The following ASIC2 variants were observed in gnomAD, a reference collection of about 807,000 sequenced individuals.
The protein encoded by ASIC2 is acid sensing ion channel subunit 2, also known as acid-sensing ion channel 2.
In ASIC2, 25 loss-of-function variants were observed where a neutral mutation model predicts 57.3. That is an observed-to-expected ratio of 0.44 (90% confidence interval 0.32 to 0.61). The LOEUF (loss-of-function observed/expected upper bound fraction) is 0.61, where lower values mean the gene tolerates loss of function less well. Ranked by LOEUF, ASIC2 falls within the 20% of genes least tolerant of loss-of-function variation. ASIC2 has a pLI of 0.06. For missense variants in ASIC2, 641 were observed against 738.1 expected (o/e 0.87, Z 1.52); for synonymous variants, 319 against 307.5 (o/e 1.04, Z -0.39).
chr17:33,894,014 T>C (rs1915027041), intron 1 of ASIC2, among the ~76,000 whole-genome samples: 1 of 150,228 alleles, frequency 6.7e-6, no homozygotes, highest in South Asian at 2.1e-4. Flanking sequence ...GCCCCACAGA[T>C]TCCAAAAGAA....
At chr17:33,738,699 G>A (rs2142096099) in intron 1 of ASIC2, among the ~76,000 whole-genome samples, 1 of 152,248 alleles carries the variant, frequency 6.6e-6, no homozygotes, top group South Asian at 2.1e-4. Flanking sequence ...CCTGCTCCTA[G>A]GGTGGGGACG....
rs142264487 is a variant in ASIC2 at position 33,369,679 on chromosome 17, T to TG, written c.556-257613dup. On this transcript the variant is annotated intron_variant, in intron 1 of 9. Coordinates refer to the ASIC2 transcript ENST00000359872. Reference sequence around the variant, plus strand: ...TACAGAGGAGGAAACAAAGGGGCAGTGGGACTATATAACTCCCCAAGAGCA... The same window carrying TG: ...TACAGAGGAGGAAACAAAGGGGCAGTGGGGACTATATAACTCCCCAAGAGCA... Among the ~76,000 whole-genome samples, 913 of 152,280 alleles carry TG rather than the reference T, an allele frequency of 6.0e-3. 10 individuals are homozygous for TG. The highest frequency in any genetic ancestry group is 0.021 in the African/African-American group (885 of 41,568).
rs372269285 is a variant in ASIC2, at chr17:33,271,237, T to A, written c.708+20171A>T. 4.6e-5 allele frequency among the ~76,000 whole-genome samples: 7 copies of A among 152,116 alleles called. No homozygotes were observed. The East Asian group carries it at 1.2e-3, about 25-fold the overall frequency. ...GCTCCTTTACTTCCAGACCCCTAAA[T>A]GTTGGCGAATCCAGGGCCCAGTGCT... On this transcript the variant is annotated intron_variant, in intron 1 of 9. Transcript: ENST00000225823.
chr17:33,258,939 C>G (rs1356371551), intron 1 of ASIC2, among the ~76,000 whole-genome samples: 1 of 152,168 alleles, frequency 6.6e-6, no homozygotes, highest in Non-Finnish European at 1.5e-5. Context: ...CTGCTCCAAA[C>G]TGTCTGCTGG....
intron 1 of ASIC2, among the ~76,000 whole-genome samples, chr17:33,275,261 A>G (rs1432717191): frequency 1.3e-5 from 2 of 152,170 alleles, no homozygotes; most frequent in African/African-American, 2.4e-5. Flanking sequence ...CCCAGAAGTC[A>G]TATACCACCT....
chr17:33,469,834 G>A (rs1912985389), intron 1 of ASIC2, among the ~76,000 whole-genome samples: 1 of 152,176 alleles, frequency 6.6e-6, no homozygotes, highest in Non-Finnish European at 1.5e-5. Flanking sequence ...GGGATAGAGA[G>A]TGAAGAATTT....
intron 1 of ASIC2, among the ~76,000 whole-genome samples, chr17:33,379,973 C>T (rs766033769): frequency 4.6e-5 from 7 of 152,104 alleles, no homozygotes; most frequent in Non-Finnish European, 8.8e-5. Context: ...TTGCTGGGCA[C>T]GGAGGCTCAT....
At chr17:33,747,853 C>G (rs563076818) in intron 1 of ASIC2, among the ~76,000 whole-genome samples, 1 of 152,184 alleles carries the variant, frequency 6.6e-6, no homozygotes, top group Non-Finnish European at 1.5e-5. Flanking sequence ...CTCTGACAGG[C>G]GGGCCTCACC....
intron 1 of ASIC2, among the ~76,000 whole-genome samples, chr17:33,755,332 A>G (rs1166070492): frequency 6.6e-6 from 1 of 152,138 alleles, no homozygotes; most frequent in East Asian, 1.9e-4. Context: ...CCCATTTCCA[A>G]TTTCTGACGT....
At chr17:33,228,681 G>A (rs985374899) in intron 1 of ASIC2, among the ~76,000 whole-genome samples, 7 of 152,388 alleles carry the variant, frequency 4.6e-5, no homozygotes, top group South Asian at 2.1e-4. Context: ...GCCAGGCTGC[G>A]TCACGTGTGA....
intron 3 of ASIC2, among the ~76,000 whole-genome samples, chr17:33,049,705 C>T (rs1318831728): frequency 1.3e-5 from 2 of 152,198 alleles, no homozygotes; most frequent in Non-Finnish European, 2.9e-5. Context: ...GTTTCCTCAT[C>T]TGTATAATGG....
At chr17:33,509,676 G>A (rs1455544280) in intron 1 of ASIC2, among the ~76,000 whole-genome samples, 6 of 152,230 alleles carry the variant, frequency 3.9e-5, no homozygotes, top group Non-Finnish European at 8.8e-5. Context: ...AAGACTTAAG[G>A]TGATGTAGCC....
chr17:33,162,638 C>G (rs1037312336), intron 1 of ASIC2, among the ~76,000 whole-genome samples: 2 of 152,210 alleles, frequency 1.3e-5, no homozygotes, highest in African/African-American at 4.8e-5. Flanking sequence ...CAGCTCAGAC[C>G]TGATGCTCCA....
rs563694804 is a variant in ASIC2 at position 34,104,696 on chromosome 17, C to A, written c.555+51282G>T. Among the ~76,000 whole-genome samples the A allele has an allele frequency of 3.3e-5, 5 of 152,078 alleles. No individual in the cohort carries two copies. The South Asian group carries it at 1.0e-3, about 32-fold the overall frequency. On this transcript the variant is annotated intron_variant, in intron 1 of 9. Transcript: ENST00000359872. ...AATGAGTGCTGGATATTGTTAAATG[C>A]CTTTTCTCCATCTATTAAGATGATC...
chr17:33,015,198 T>C (rs897970274), intron 9 of ASIC2, among the ~76,000 whole-genome samples: 47 of 152,290 alleles, frequency 3.1e-4, no homozygotes, highest in African/African-American at 1.1e-3. Context: ...TGGTGGTCAC[T>C]CAATGGGCAC....
intron 1 of ASIC2, among the ~76,000 whole-genome samples, chr17:33,914,773 T>C (rs1389313818): frequency 6.6e-6 from 1 of 152,192 alleles, no homozygotes; most frequent in Non-Finnish European, 1.5e-5. Context: ...CTTCCATTGC[T>C]GAGATTTTAA....
intron 1 of ASIC2, among the ~76,000 whole-genome samples, chr17:33,696,505 C>A (rs1419901215): frequency 6.6e-6 from 1 of 152,108 alleles, no homozygotes; most frequent in Non-Finnish European, 1.5e-5. Flanking sequence ...ACAAAGAAGA[C>A]CGAGGGAGGA....
chr17:33,619,355 A>G (rs1905705674), intron 1 of ASIC2, among the ~76,000 whole-genome samples: 1 of 152,220 alleles, frequency 6.6e-6, no homozygotes, highest in African/African-American at 2.4e-5. Context: ...GATGTACCAG[A>G]AAAATTATAC....
intron 1 of ASIC2, among the ~76,000 whole-genome samples, chr17:33,943,992 C>T (rs969416370): frequency 1.3e-5 from 2 of 152,104 alleles, no homozygotes; most frequent in Non-Finnish European, 2.9e-5. Context: ...AAACCACTTG[C>T]GTCTGAGGAT....
Sources: allele counts gnomAD v4.1 joint callset (sites outside exome capture counted in the v4.1 genomes callset), GRCh38; gene constraint gnomAD v4.1.1; transcripts MANE v1.5; gene names NCBI Gene and HGNC (gene_info 2026-07-23, HGNC 2026-07-21).